Variants in DCLK2 observed in about 807,000 individuals in gnomAD.
The protein encoded by DCLK2 is serine/threonine-protein kinase DCLK2.
In DCLK2, 31 loss-of-function variants were observed where a neutral mutation model predicts 78.4. That is an observed-to-expected ratio of 0.40 (90% CI 0.30 to 0.53). The LOEUF is 0.53. Ranked by LOEUF, DCLK2 falls within the 20% of genes least tolerant of loss-of-function variation. The pLI is 0.61. For missense variants in DCLK2, 872 were observed against 973.7 expected, an observed-to-expected ratio of 0.90 and a Z score of 1.39; for synonymous variants, 407 against 374.9, an observed-to-expected ratio of 1.09 and a Z score of -0.99.
intron 2 of DCLK2, among the ~76,000 whole-genome samples, chr4:150,112,096 A>G (rs1334116117): frequency 2.6e-5 from 4 of 152,154 alleles, no homozygotes; most frequent in Non-Finnish European, 5.9e-5. Context: ...ATCCATGAGC[A>G]TGGTATGTTT....
At chr4:150,210,169 C>T (rs1050316469) in intron 5 of DCLK2, among the ~76,000 whole-genome samples, 2 of 152,306 alleles carry the variant, frequency 1.3e-5, no homozygotes, top group South Asian at 2.1e-4. Flanking sequence ...GGATAAGTCA[C>T]ATCACCCCTA....
chr4:150,126,331 T>C (rs1732918419), intron 2 of DCLK2, among the ~76,000 whole-genome samples: 1 of 152,228 alleles, frequency 6.6e-6, no homozygotes, highest in Non-Finnish European at 1.5e-5. Context: ...TTTGAGGAAC[T>C]CTTATTGTAG....
chr4:150,215,616 C>T (rs1285586186), intron 5 of DCLK2, among the ~76,000 whole-genome samples: 1 of 152,226 alleles, frequency 6.6e-6, no homozygotes, highest in Non-Finnish European at 1.5e-5. Context: ...GGGCATGCCA[C>T]CCTCCAGAAA....
chr4:150,080,698 T>G (rs916952230), intron 1 of DCLK2, among the ~76,000 whole-genome samples: 2 of 152,222 alleles, frequency 1.3e-5, no homozygotes, highest in Non-Finnish European at 2.9e-5. Context: ...TCACAGTGCC[T>G]GCAGCATATA....
Position 150,147,661 on chromosome 4 carries a change from A to G in DCLK2, c.756+44849A>G, listed in dbSNP as rs538491828. ...TCCCATTATGTACAATTTGTATTGT[A>G]AAAACTGGGCTATAAAAGAAACACC... On this transcript the variant is annotated intron_variant, in intron 2 of 15. Coordinates refer to ENST00000296550, the MANE Select transcript of DCLK2 (RefSeq NM_001040260.4). Among the ~76,000 whole-genome samples, 8 of 75,320 alleles carry G rather than the reference A, an allele frequency of 1.1e-4. No individual in the cohort carries two copies. The South Asian group carries it at 2.4e-3, about 23-fold the overall frequency. 49.4% of individuals were successfully genotyped at this position (75,320 alleles called of 152,430 possible). A position where few individuals can be genotyped will look rare whatever the true frequency, so the allele number is the denominator to read the frequency against.
chr4:150,193,207 T>A lies in DCLK2; in HGVS notation c.826T>A (p.Tyr276Asn), dbSNP rs766780091. ...TGCATGTGGACCAGAAAAATTTCGT[T>A]ATGCCCAAGATGACTTTGTCCTGGA... ...FIACGPEKFR[Y>N]AQDDFVLDHS... Residue 276 changes from tyrosine to asparagine, a missense_variant, in exon 3 of 16, where the codon TAT becomes AAT. Physicochemically the swap from Tyr to Asn is moderately radical, Grantham distance 143 (BLOSUM62 -2). This residue lies in a region of DCLK2 where 567 missense variants were observed against 593.4 expected (regional missense o/e 0.96). Coordinates refer to ENST00000296550, the MANE Select transcript of DCLK2 (RefSeq NM_001040260.4). 1 of 1,611,930 alleles carries A rather than the reference T, an allele frequency of 6.2e-7. No individual in the cohort carries two copies. Among genetic ancestry groups the A allele is most frequent in the Non-Finnish European group, 8.5e-7 (1 of 1,178,448 alleles).
chr4:150,185,419 ATT>A, intron 2 of DCLK2, among the ~76,000 whole-genome samples: 1 of 146,886 alleles, frequency 6.8e-6, no homozygotes, highest in Admixed American at 6.8e-5. Context: ...CATGCATAGT[ATT>A]TTTTTTTTTT....
intron 8 of DCLK2, among the ~76,000 whole-genome samples, chr4:150,225,587 A>G (rs1156412299): frequency 6.6e-6 from 1 of 152,250 alleles, no homozygotes; most frequent in African/African-American, 2.4e-5. Flanking sequence ...CTGGATTGAA[A>G]TAGGCTGCTA....
chr4:150,094,219 A>C (rs1478858064), intron 1 of DCLK2, among the ~76,000 whole-genome samples: 1 of 152,224 alleles, frequency 6.6e-6, no homozygotes, highest in Non-Finnish European at 1.5e-5. Flanking sequence ...CATCAAACTA[A>C]AAAGCTTCTA....
intron 2 of DCLK2, among the ~76,000 whole-genome samples, chr4:150,169,503 A>G (rs1736349685): frequency 6.6e-6 from 1 of 152,104 alleles, no homozygotes; most frequent in African/African-American, 2.4e-5. Context: ...TACTAAAAAT[A>G]TGAAAGTAGC....
chr4:150,135,488 A>G (rs79219196), intron 2 of DCLK2, among the ~76,000 whole-genome samples: 1,719 of 152,336 alleles, frequency 0.011, 32 homozygotes, highest in African/African-American at 0.039. Context: ...AAGACATGCA[A>G]TTGGTCATTA....
At chr4:150,182,623 T>C (rs1737616455) in intron 2 of DCLK2, among the ~76,000 whole-genome samples, 1 of 152,164 alleles carries the variant, frequency 6.6e-6, no homozygotes, top group African/African-American at 2.4e-5. Flanking sequence ...GTATTTCTGC[T>C]TGCTTACATG....
chr4:150,178,625 A>G (rs1216215229), intron 2 of DCLK2, among the ~76,000 whole-genome samples: 2 of 152,242 alleles, frequency 1.3e-5, no homozygotes, highest in Non-Finnish European at 2.9e-5. Flanking sequence ...AGATGCAGCT[A>G]TACAAACCAA....
At chr4:150,178,529 G>A (rs1231362005) in intron 2 of DCLK2, among the ~76,000 whole-genome samples, 3 of 148,214 alleles carry the variant, frequency 2.0e-5, no homozygotes, top group Non-Finnish European at 4.5e-5. Context: ...CTGCTCTAGG[G>A]AAAAAAAAAA....
chr4:150,160,823 C>T (rs1480013701), intron 2 of DCLK2, among the ~76,000 whole-genome samples: 2 of 152,150 alleles, frequency 1.3e-5, no homozygotes, highest in African/African-American at 2.4e-5. Flanking sequence ...GGATAGGAAA[C>T]AGCCTCAGAA....
intron 2 of DCLK2, among the ~76,000 whole-genome samples, chr4:150,152,368 A>G (rs10001334): frequency 0.35 from 53,621 of 151,984 alleles, 10,022 homozygotes; most frequent in African/African-American, 0.49. Flanking sequence ...TGCAACCTCC[A>G]CCTCCCCGGT....
intron 8 of DCLK2, among the ~76,000 whole-genome samples, chr4:150,229,889 T>C (rs763965244): frequency 6.6e-6 from 1 of 152,196 alleles, no homozygotes; most frequent in African/African-American, 2.4e-5. Context: ...TTTAGAAATA[T>C]TCTCTTGGAA....
chr4:150,118,268 G>C (rs1246460820), intron 2 of DCLK2, among the ~76,000 whole-genome samples: 1 of 151,870 alleles, frequency 6.6e-6, no homozygotes, highest in Non-Finnish European at 1.5e-5. Context: ...AAAAAAAATT[G>C]TTTTAGGTTT....
At chr4:150,237,849 CAG>C (rs1310876821) in intron 10 of DCLK2, among the ~76,000 whole-genome samples, 2 of 152,128 alleles carry the variant, frequency 1.3e-5, no homozygotes, top group Non-Finnish European at 2.9e-5. Context: ...AAAATAGAAA[CAG>C]GCATTACAAT....
Sources: allele counts gnomAD v4.1 joint callset (sites outside exome capture counted in the v4.1 genomes callset), GRCh38; gene constraint gnomAD v4.1.1; regional missense constraint gnomAD v4.1.1; transcripts MANE v1.5; gene names NCBI Gene and HGNC (gene_info 2026-07-23, HGNC 2026-07-21).